Variants in STXBP6 observed in about 807,000 individuals in gnomAD.
The protein encoded by STXBP6 is syntaxin binding protein 6, also known as syntaxin-binding protein 6.
Under a neutral mutation model 26.9 loss-of-function variants are expected in STXBP6, and 21 were observed. That is an observed-to-expected ratio of 0.78 (90% CI 0.55 to 1.12). STXBP6 has a LOEUF of 1.12. Among genes scored for constraint, STXBP6 ranks in the 50% most tolerant of loss-of-function variants. The pLI is 0.00. For synonymous variants in STXBP6, 97 were observed against 92.6 expected (o/e 1.05, Z -0.27); for missense variants, 232 against 257.9 (o/e 0.90, Z 0.69).
rs2074112239 is a variant in STXBP6 at position 24,978,700 on chromosome 14, T to C, written c.-32-3850A>G. The stretch of plus-strand genomic sequence containing the variant: ...GCAGCTGGTTCCCATAAGTGTTAGT[T>C]ACAAAAAACTAATCACAGTTAGTTC... On this transcript the variant is annotated intron_variant, in intron 1 of 5. Coordinates refer to ENST00000323944, the MANE Select transcript of STXBP6 (RefSeq NM_001394410.1). 3.3e-5 allele frequency among the ~76,000 whole-genome samples: 5 copies of C among 152,360 alleles called. No individual in the cohort carries two copies. The South Asian group carries it at 1.0e-3, about 32-fold the overall frequency.
chr14:24,902,971 T>C (rs1188443120), intron 2 of STXBP6, among the ~76,000 whole-genome samples: 1 of 152,174 alleles, frequency 6.6e-6, no homozygotes, highest in African/African-American at 2.4e-5. Context: ...TATTTTGCAA[T>C]ATATTTATCT....
intron 2 of STXBP6, among the ~76,000 whole-genome samples, chr14:24,908,902 A>G (rs74040712): frequency 0.015 from 2,297 of 152,320 alleles, 48 homozygotes; most frequent in African/African-American, 0.045. Context: ...TCTAGATTAC[A>G]CAGCTCAAGG....
chr14:24,905,176 T>C (rs1046883826), intron 2 of STXBP6, among the ~76,000 whole-genome samples: 2 of 152,176 alleles, frequency 1.3e-5, no homozygotes, highest in African/African-American at 2.4e-5. Flanking sequence ...ATAGGATTCA[T>C]TCAGACTTAT....
At chr14:24,863,675 T>C (rs1213612966) in intron 2 of STXBP6, among the ~76,000 whole-genome samples, 3 of 152,166 alleles carry the variant, frequency 2.0e-5, no homozygotes, top group African/African-American at 7.2e-5. Context: ...AGCATCTCTC[T>C]TAAGTAATTC....
intron 4 of STXBP6, among the ~76,000 whole-genome samples, chr14:24,855,330 G>A (rs942769935): frequency 2.0e-5 from 3 of 152,102 alleles, no homozygotes; most frequent in African/African-American, 7.2e-5. Flanking sequence ...TTTTAGCACA[G>A]TATCAATTCT....
At chr14:24,879,033 A>G (rs1169516717) in intron 2 of STXBP6, among the ~76,000 whole-genome samples, 4 of 152,212 alleles carry the variant, frequency 2.6e-5, no homozygotes, top group Admixed American at 1.3e-4. Context: ...ATAAAATGAT[A>G]AAAAATACAT....
intron 1 of STXBP6, among the ~76,000 whole-genome samples, chr14:25,048,520 G>A (rs1390301003): frequency 6.6e-6 from 1 of 152,176 alleles, no homozygotes; most frequent in African/African-American, 2.4e-5. Flanking sequence ...AAAAAGCAAA[G>A]AGAAAAACAG....
At chr14:24,923,243 A>G (rs1246777577) in intron 2 of STXBP6, among the ~76,000 whole-genome samples, 2 of 152,188 alleles carry the variant, frequency 1.3e-5, no homozygotes, top group African/African-American at 2.4e-5. Flanking sequence ...AAATGGCAGC[A>G]TAGGAAATAT....
At chr14:24,827,064 G>C (rs1365896748) in intron 4 of STXBP6, among the ~76,000 whole-genome samples, 2 of 152,102 alleles carry the variant, frequency 1.3e-5, no homozygotes, top group African/African-American at 4.8e-5. Flanking sequence ...AGCTGGGCTT[G>C]GCAGTGCATG....
chr14:24,814,562 T>C (rs879695225), intron 5 of STXBP6, among the ~76,000 whole-genome samples: 4 of 152,198 alleles, frequency 2.6e-5, no homozygotes, highest in Non-Finnish European at 5.9e-5. Flanking sequence ...ACCAGGACAG[T>C]GCATCTGGAA....
chr14:24,877,336 T>C (rs1000073122), intron 2 of STXBP6, among the ~76,000 whole-genome samples: 1 of 152,144 alleles, frequency 6.6e-6, no homozygotes, highest in African/African-American at 2.4e-5. Context: ...TTTCACACAA[T>C]CAAAAAATAA....
At chr14:24,885,277 C>T (rs560121907) in intron 2 of STXBP6, among the ~76,000 whole-genome samples, 1 of 152,330 alleles carries the variant, frequency 6.6e-6, no homozygotes, top group Non-Finnish European at 1.5e-5. Flanking sequence ...TGTCTGCCAC[C>T]TCTCCCAGGT....
chr14:24,858,022 G>C (rs1202021667), intron 2 of STXBP6, among the ~76,000 whole-genome samples: 1 of 152,052 alleles, frequency 6.6e-6, no homozygotes, highest in Non-Finnish European at 1.5e-5. Context: ...AAATTAAATA[G>C]AAAGGAACTA....
intron 4 of STXBP6, among the ~76,000 whole-genome samples, chr14:24,843,612 A>T (rs1352627629): frequency 6.6e-6 from 1 of 152,224 alleles, no homozygotes; most frequent in African/African-American, 2.4e-5. Flanking sequence ...CTGTTTAAAA[A>T]GAGGAAGTGA....
At chr14:25,013,762 A>G (rs977665699) in intron 1 of STXBP6, among the ~76,000 whole-genome samples, 4 of 152,100 alleles carry the variant, frequency 2.6e-5, no homozygotes, top group Admixed American at 2.6e-4. Context: ...AATAGATCAC[A>G]AGGAAAAGAT....
rs1323206941 is a variant in STXBP6 at position 24,924,007 on chromosome 14, C to T, written c.154+50658G>A. Reference sequence around the variant, plus strand: ...ACCCTGATAAAAATAAGAACCAATTCCCACATATTTTTTTTTTGCAAAAAG... The same window carrying T: ...ACCCTGATAAAAATAAGAACCAATTTCCACATATTTTTTTTTTGCAAAAAG... On this transcript the variant is annotated intron_variant, in intron 2 of 5. Coordinates refer to ENST00000323944, the MANE Select transcript of STXBP6 (RefSeq NM_001394410.1). 4.6e-5 allele frequency among the ~76,000 whole-genome samples: 7 copies of T among 151,998 alleles called. 2 individuals carry two copies. The highest frequency in any genetic ancestry group is 3.9e-4 in the Admixed American group (6 of 15,256).
chr14:24,818,210 GAA>G (rs112094526), intron 5 of STXBP6: 1 of 437,514 alleles, frequency 2.3e-6, no homozygotes, highest in Non-Finnish European at 4.5e-6. Flanking sequence ...CCACTAACCA[GAA>G]AAAAAACTGC....
At chr14:25,017,555 T>C (rs2075175674) in intron 1 of STXBP6, among the ~76,000 whole-genome samples, 1 of 152,168 alleles carries the variant, frequency 6.6e-6, no homozygotes, top group South Asian at 2.1e-4. Context: ...CTTGACAGTA[T>C]AAGGTAAGGA....
rs117878244 is a variant in STXBP6, at chr14:24,857,008, C to G, written c.285+19G>C. The G allele has an allele frequency of 4.0e-4, 644 of 1,611,668 alleles. 1 individual carries two copies. The highest frequency in any genetic ancestry group is 5.3e-4 in the Non-Finnish European group (620 of 1,178,386). Reference sequence around the variant, plus strand: ...TTGTGAAAAGAATGCCTTTGCTCAGCATTGGACAATTCACTCACCCCATTA... The same window carrying G: ...TTGTGAAAAGAATGCCTTTGCTCAGGATTGGACAATTCACTCACCCCATTA... On this transcript the variant is annotated intron_variant, in intron 3 of 5. Coordinates refer to ENST00000323944, the MANE Select transcript of STXBP6 (RefSeq NM_001394410.1).
Sources: allele counts gnomAD v4.1 joint callset (sites outside exome capture counted in the v4.1 genomes callset), GRCh38; gene constraint gnomAD v4.1.1; transcripts MANE v1.5; gene names NCBI Gene and HGNC (gene_info 2026-07-23, HGNC 2026-07-21).